The following UBASH3B variants were observed in gnomAD, a reference collection of about 807,000 sequenced individuals.
The protein encoded by UBASH3B is ubiquitin-associated and SH3 domain-containing protein B.
In UBASH3B, 37 loss-of-function variants were observed where a neutral mutation model predicts 83.4. That is an observed-to-expected ratio of 0.44 (90% CI 0.34 to 0.58). The LOEUF (loss-of-function observed/expected upper bound fraction) is 0.58, where lower values mean the gene tolerates loss of function less well. Among genes scored for constraint, UBASH3B ranks in the 20% least tolerant of loss-of-function variants. The probability of loss-of-function intolerance (pLI) is 0.01; values close to 1 mark genes in which losing one functional copy is unlikely to be tolerated. For missense variants in UBASH3B, 657 were observed against 827.2 expected, an observed-to-expected ratio of 0.79 and a Z score of 2.52; for synonymous variants, 304 against 318.3, an observed-to-expected ratio of 0.96 and a Z score of 0.48.
intron 1 of UBASH3B, among the ~76,000 whole-genome samples, chr11:122,690,541 C>T (rs1188152051): frequency 6.6e-6 from 1 of 151,928 alleles, no homozygotes; most frequent in Non-Finnish European, 1.5e-5. Context: ...TCTGTGACAT[C>T]TCAGCGGCCT....
chr11:122,773,909 G>T, intron 1 of UBASH3B: 1 of 878,670 alleles, frequency 1.1e-6, no homozygotes, highest in Non-Finnish European at 1.4e-6. Context: ...TATATAAATA[G>T]CACATTGTCT....
intron 1 of UBASH3B, among the ~76,000 whole-genome samples, chr11:122,680,566 C>T (rs11218748): frequency 1.3e-5 from 2 of 152,124 alleles, no homozygotes; most frequent in African/African-American, 2.4e-5. Context: ...TGGGTTCAAG[C>T]GATTCTCCTG....
chr11:122,703,290 G>T (rs1017156361), intron 1 of UBASH3B, among the ~76,000 whole-genome samples: 1 of 152,064 alleles, frequency 6.6e-6, no homozygotes, highest in African/African-American at 2.4e-5. Context: ...AGCCAGGCGT[G>T]GTGGTGGGTG....
Position 122,789,219 on chromosome 11 carries a change from T to C in UBASH3B, c.891T>C (p.Tyr297=). 1.2e-6 allele frequency: 2 copies of C among 1,614,202 alleles called. No individual in the cohort carries two copies. The highest frequency in any genetic ancestry group is 1.7e-6 in the Non-Finnish European group (2 of 1,180,032). ...EQTSTSEGWI[Y]GTSLTTGCSG... ...CCAGCACCAGCGAGGGTTGGATCTA[T>C]GGCACGTCCTTAACCACCGGCTGCT... is the stretch of plus-strand genomic sequence containing the variant. The change falls in exon 6 of 14, where the codon TAT becomes TAC. Residue 297 remains tyrosine, a synonymous_variant. Transcript: ENST00000284273.
At chr11:122,715,438 A>G (rs1860503524) in intron 1 of UBASH3B, among the ~76,000 whole-genome samples, 1 of 152,218 alleles carries the variant, frequency 6.6e-6, no homozygotes, top group South Asian at 2.1e-4. Flanking sequence ...GGTGGTGCAT[A>G]TGCTACGGCA....
chr11:122,733,777 A>AT (rs1468559292), intron 1 of UBASH3B, among the ~76,000 whole-genome samples: 1 of 152,238 alleles, frequency 6.6e-6, no homozygotes, highest in African/African-American at 2.4e-5. Flanking sequence ...GTCTTGTCTT[A>AT]TTGAAGAACT....
intron 1 of UBASH3B, among the ~76,000 whole-genome samples, chr11:122,656,536 T>C (rs570649261): frequency 6.6e-6 from 1 of 152,176 alleles, no homozygotes; most frequent in Admixed American, 6.5e-5. Context: ...TCTCGCGCGC[T>C]CCCCTAGGTC....
At chr11:122,668,110 C>A (rs1438059130) in intron 1 of UBASH3B, among the ~76,000 whole-genome samples, 1 of 152,112 alleles carries the variant, frequency 6.6e-6, no homozygotes, top group East Asian at 1.9e-4. Context: ...CTCAGCCTCC[C>A]AAGTAGCTGG....
intron 1 of UBASH3B, among the ~76,000 whole-genome samples, chr11:122,664,601 G>GC (rs143155979): frequency 0.029 from 4,388 of 152,244 alleles, 139 homozygotes; most frequent in East Asian, 0.13. Flanking sequence ...TGGACCCTCT[G>GC]CCCGGGGCCC....
At chr11:122,770,263 C>T (rs1318389912) in intron 1 of UBASH3B, among the ~76,000 whole-genome samples, 1 of 152,194 alleles carries the variant, frequency 6.6e-6, no homozygotes, top group African/African-American at 2.4e-5. Flanking sequence ...CAAAGTCTTA[C>T]TATTTTGAGG....
At chr11:122,720,748 C>G (rs1363067430) in intron 1 of UBASH3B, among the ~76,000 whole-genome samples, 1 of 152,188 alleles carries the variant, frequency 6.6e-6, no homozygotes, top group Non-Finnish European at 1.5e-5. Flanking sequence ...CTCCCTGACT[C>G]ATTCATTACC....
rs148707049 is a variant in UBASH3B at position 122,657,867 on chromosome 11, TG to T, written c.161+1659del. 1.8e-3 allele frequency among the ~76,000 whole-genome samples: 281 copies of T among 152,178 alleles called. 1 individual carries two copies. Among genetic ancestry groups the T allele is most frequent in the African/African-American group, 6.3e-3 (262 of 41,514 alleles). On this transcript the variant is annotated intron_variant, in intron 1 of 13. Coordinates refer to ENST00000284273, the MANE Select transcript of UBASH3B (RefSeq NM_032873.5). The stretch of plus-strand genomic sequence containing the variant: ...GACGCTTCAGGTGAAGTCGTCGGTG[TG>T]GATGATCAATGTGCACAGCTCTCCT...
In UBASH3B at chr11:122,798,386, A is replaced by G. The variant is rs138179485; in HGVS notation, c.1358-556A>G. 2.8e-3 allele frequency among the ~76,000 whole-genome samples: 423 copies of G among 152,258 alleles called. 2 individuals carry two copies. Among genetic ancestry groups the G allele is most frequent in the African/African-American group, 9.9e-3 (410 of 41,540 alleles). ...TAAATATCTCCTAGCTAAAGCCTTT[A>G]CCACTTGTTAGCACCAGAGGGAAGG... On this transcript the variant is annotated intron_variant, in intron 9 of 13. Coordinates refer to ENST00000284273, the MANE Select transcript of UBASH3B (RefSeq NM_032873.5).
At chr11:122,679,769 T>A (rs1457399518) in intron 1 of UBASH3B, among the ~76,000 whole-genome samples, 1 of 152,228 alleles carries the variant, frequency 6.6e-6, no homozygotes, top group Non-Finnish European at 1.5e-5. Flanking sequence ...CACTGAAATT[T>A]TAATTTCATA....
intron 11 of UBASH3B, among the ~76,000 whole-genome samples, chr11:122,804,316 T>C (rs895425154): frequency 1.3e-5 from 2 of 151,984 alleles, no homozygotes; most frequent in Non-Finnish European, 2.9e-5. Flanking sequence ...CCCCAGGGTG[T>C]TGTGAGACTC....
rs572680032 is a variant in UBASH3B at position 122,699,402 on chromosome 11, A to G, written c.161+43192A>G. On this transcript the variant is annotated intron_variant, in intron 1 of 13. Coordinates refer to ENST00000284273, the MANE Select transcript of UBASH3B (RefSeq NM_032873.5). ...GTTCTTGGCATTTCCTGCAACCTCTATGCTATCTCTTCTTCTGTGAAATGC... is the reference window on the plus strand; with the variant it reads ...GTTCTTGGCATTTCCTGCAACCTCTGTGCTATCTCTTCTTCTGTGAAATGC... Among the ~76,000 whole-genome samples, 60 of 152,282 alleles carry G rather than the reference A, an allele frequency of 3.9e-4. 1 individual carries two copies. The highest frequency in any genetic ancestry group is 1.4e-3 in the African/African-American group (58 of 41,564).
At chr11:122,672,211 G>A (rs4290241) in intron 1 of UBASH3B, among the ~76,000 whole-genome samples, 31,629 of 151,538 alleles carry the variant, frequency 0.21, 3,679 homozygotes, top group Non-Finnish European at 0.26. Flanking sequence ...TCTTGAAGAA[G>A]ACAGACCCAA....
chr11:122,753,514 TGG>T (rs1861233986), intron 1 of UBASH3B, among the ~76,000 whole-genome samples: 26 of 106,466 alleles, frequency 2.4e-4, no homozygotes, highest in African/African-American at 8.6e-4. Flanking sequence ...TTTTTTTTTT[TGG>T]TGATGGAGTT....
At chr11:122,744,026 T>G (rs35324392) in intron 1 of UBASH3B, among the ~76,000 whole-genome samples, 38,805 of 152,200 alleles carry the variant, frequency 0.25, 5,785 homozygotes, top group Non-Finnish European at 0.34. Context: ...CAGGGCCTCA[T>G]GCAGCCCAGC....
Sources: allele counts gnomAD v4.1 joint callset (sites outside exome capture counted in the v4.1 genomes callset), GRCh38; gene constraint gnomAD v4.1.1; transcripts MANE v1.5; gene names NCBI Gene and HGNC (gene_info 2026-07-23, HGNC 2026-07-21).